Variants in USP3 observed in about 807,000 individuals in gnomAD.
USP3 encodes the protein ubiquitin specific peptidase 3, also known as ubiquitin carboxyl-terminal hydrolase 3.
A neutral mutation model predicts 72.3 loss-of-function variants in USP3; 20 were observed. That is an observed-to-expected ratio of 0.28 (90% CI 0.19 to 0.40). The LOEUF (loss-of-function observed/expected upper bound fraction) is 0.40, where lower values mean the gene tolerates loss of function less well. Among genes scored for constraint, USP3 ranks in the 10% least tolerant of loss-of-function variants. The probability of loss-of-function intolerance (pLI) is 1.00; values close to 1 mark genes in which losing one functional copy is unlikely to be tolerated. For synonymous variants in USP3, 222 were observed against 225.3 expected (o/e 0.99, Z 0.13); for missense variants, 479 against 633.9 (o/e 0.76, Z 2.62).
At chr15:63,589,085 C>T (rs922861880) in intron 14 of USP3, 74 bp downstream of exon 14, 6 of 1,521,354 alleles carry the variant, frequency 3.9e-6, no homozygotes, top group African/African-American at 2.8e-5. Flanking sequence ...TTTTGTACCA[C>T]TCTTGCTAGT....
In USP3 at chr15:63,588,934, T is replaced by C; in HGVS notation, c.1330-10T>C. ...TCATTGACCACTGCTCCTTCTTCCTTGTTCTGTAGCCTGAGAACAGTGGCC... is the reference window on the plus strand; with the variant it reads ...TCATTGACCACTGCTCCTTCTTCCTCGTTCTGTAGCCTGAGAACAGTGGCC... On this transcript the variant is annotated splice_polypyrimidine_tract_variant and intron_variant, in intron 13 of 14. Transcript: ENST00000380324. The surrounding 1 kb of genome is among the most constrained non-coding windows in gnomAD (Gnocchi z 4.6). 6.2e-7 allele frequency: 1 copy of C among 1,614,204 alleles called. No individual in the cohort carries two copies. The highest frequency in any genetic ancestry group is 8.5e-7 in the Non-Finnish European group (1 of 1,180,026).
chr15:63,562,090 C>T (rs947423265), intron 7 of USP3, among the ~76,000 whole-genome samples: 1 of 152,168 alleles, frequency 6.6e-6, no homozygotes, highest in African/African-American at 2.4e-5. Context: ...TCCACATAGT[C>T]CCCCATGGTG....
intron 1 of USP3, among the ~76,000 whole-genome samples, chr15:63,520,957 C>T (rs976748588): frequency 6.6e-6 from 1 of 152,068 alleles, no homozygotes; most frequent in African/African-American, 2.4e-5. Context: ...TAAAACTACA[C>T]AAAAAGCTGT....
At chr15:63,525,297 C>T (rs58568006) in intron 1 of USP3, among the ~76,000 whole-genome samples, 1,722 of 152,298 alleles carry the variant, frequency 0.011, 30 homozygotes, top group African/African-American at 0.04. Flanking sequence ...TGCCTGGTCT[C>T]CTCCCCAGTA....
Position 63,507,480 on chromosome 15 carries a change from G to T in USP3, c.91+2650G>T, listed in dbSNP as rs187995656. On this transcript the variant is annotated intron_variant, in intron 1 of 14. Coordinates refer to ENST00000380324, the MANE Select transcript of USP3 (RefSeq NM_006537.4). Reference sequence around the variant, plus strand: ...TTTTTGTGAAAACTTTGAGAAACTTGTATACACTGTTCTAGTAATAGGTGG... The same window carrying T: ...TTTTTGTGAAAACTTTGAGAAACTTTTATACACTGTTCTAGTAATAGGTGG... 7.0e-4 allele frequency among the ~76,000 whole-genome samples: 106 copies of T among 152,234 alleles called. 1 individual carries two copies. Among genetic ancestry groups the T allele is most frequent in the Admixed American group, 2.8e-3 (43 of 15,298 alleles).
chr15:63,537,988 AT>A (rs71753337), intron 3 of USP3, among the ~76,000 whole-genome samples: 1,472 of 140,760 alleles, frequency 0.01, 13 homozygotes, highest in African/African-American at 0.027. Flanking sequence ...TTCCAGTGCT[AT>A]TTTTTTTTTT....
chr15:63,562,771 A>G (rs1595751523), intron 7 of USP3, 124 bp from the exon 8 acceptor site: 1 of 577,978 alleles, frequency 1.7e-6, no homozygotes, highest in African/African-American at 1.9e-5. Flanking sequence ...GACTTTCTTC[A>G]GAAAAGACCA....
At position 63,591,678 on chromosome 15, in the gene USP3, C is replaced by T. The variant is rs1161516594; in HGVS notation, c.*852C>T. The T allele has an allele frequency of 1.3e-5, 2 of 152,194 alleles. No individual in the cohort carries two copies. Among genetic ancestry groups the T allele is most frequent in the African/African-American group, 2.4e-5 (1 of 41,428 alleles). 9.4% of individuals were successfully genotyped at this position (152,194 alleles called of 1,614,324 possible). On this transcript the variant is annotated 3_prime_UTR_variant, in exon 15 of 15. Transcript: ENST00000380324. ...TTAGTTGTACCACTGGAAGTCACGA[C>T]ATGTCCATTATAGACTTACTTACTG...
In USP3 at chr15:63,574,363, C is replaced by G. The variant is rs745305814; in HGVS notation, c.1056C>G (p.Arg352=). 1.2e-6 allele frequency: 2 copies of G among 1,606,112 alleles called. No homozygotes were observed. The highest frequency in any genetic ancestry group is 2.2e-5 in the South Asian group (2 of 89,098). ...LDIPSQFRSK[R]SKNQENGPVC... is the part of the protein sequence containing the mutation. ...TTCCAAGTCAGTTCAGAAGTAAGCG[C>G]TCTAAGAATCAAGAAAATGGACCAG... Residue 352 remains arginine (R), a synonymous_variant, in exon 11 of 15, where the codon CGC becomes CGG. Transcript: ENST00000380324. This position sits in a 1 kb window ranked among gnomAD's most constrained non-coding sequence, Gnocchi z 4.6.
In USP3 at chr15:63,553,373, A is replaced by G. The variant is rs1378040503; in HGVS notation, c.285-342A>G. ...AACTTAAAGCTTTAGGCTTAATGCT[A>G]CATGAAAAGACTCGGTGCTTTTTAT... On this transcript the variant is annotated intron_variant, in intron 3 of 14. Transcript: ENST00000380324. The surrounding 1 kb of genome is among the most constrained non-coding windows in gnomAD (Gnocchi z 4.2). 1 of 164,058 alleles carries G rather than the reference A, an allele frequency of 6.1e-6. No homozygotes were observed. Among genetic ancestry groups the G allele is most frequent in the Non-Finnish European group, 1.3e-5 (1 of 76,150 alleles). 10.2% of individuals were successfully genotyped at this position (164,058 alleles called of 1,614,324 possible).
At chr15:63,565,114 G>C (rs1473882685) in intron 8 of USP3, among the ~76,000 whole-genome samples, 1 of 152,164 alleles carries the variant, frequency 6.6e-6, no homozygotes, top group Non-Finnish European at 1.5e-5. Flanking sequence ...ACAGTGTCTA[G>C]AGAACTTGAT....
In USP3 at chr15:63,570,676, C is replaced by G; in HGVS notation, c.908+97C>G. Reference sequence around the variant, plus strand: ...TTTATAACGGAAGGTAGAGGGGTTTCTTGGACATTTGCTGGAACTTTTCGT... The same window carrying G: ...TTTATAACGGAAGGTAGAGGGGTTTGTTGGACATTTGCTGGAACTTTTCGT... On this transcript the variant is annotated intron_variant, in intron 9 of 14. Transcript: ENST00000380324. This position sits in a 1 kb window ranked among gnomAD's most constrained non-coding sequence, Gnocchi z 4.4. 6.6e-7 allele frequency: 1 copy of G among 1,506,488 alleles called. No individual in the cohort carries two copies. 93.3% of individuals were successfully genotyped at this position (1,506,488 alleles called of 1,614,324 possible). A position where few individuals can be genotyped will look rare whatever the true frequency, so the allele number is the denominator to read the frequency against.
Position 63,562,879 on chromosome 15 carries a change from C to T in USP3, c.648-16C>T. 1.3e-6 allele frequency: 2 copies of T among 1,582,010 alleles called. No homozygotes were observed. The highest frequency in any genetic ancestry group is 1.7e-6 in the Non-Finnish European group (2 of 1,159,252). ...CTCTCACTAATCTGAGGGCACTGTC[C>T]TTTCCTCTTTTGCAGGTCTTTGGTA... On this transcript the variant is annotated splice_polypyrimidine_tract_variant and intron_variant, in intron 7 of 14. Coordinates refer to ENST00000380324, the MANE Select transcript of USP3 (RefSeq NM_006537.4).
In USP3 at chr15:63,563,518, G is replaced by A. The variant is rs147888610; in HGVS notation, c.761+510G>A. Reference sequence around the variant, plus strand: ...CCGGTGTGGCCAGAGAGCTGCTGTGGTGCCCATGCTTTCTGTCTCACCTCG... The same window carrying A: ...CCGGTGTGGCCAGAGAGCTGCTGTGATGCCCATGCTTTCTGTCTCACCTCG... On this transcript the variant is annotated intron_variant, in intron 8 of 14. Transcript: ENST00000380324. Among the ~76,000 whole-genome samples the A allele has an allele frequency of 1.4e-4, 21 of 152,276 alleles. No homozygotes were observed. In the East Asian group the frequency reaches 3.9e-3, roughly 28 times the overall value.
At chr15:63,572,320 T>C (rs1184770036) in intron 9 of USP3, among the ~76,000 whole-genome samples, 1 of 152,142 alleles carries the variant, frequency 6.6e-6, no homozygotes, top group East Asian at 1.9e-4. Context: ...AAAGGCAAAC[T>C]TGTATGTGAA....
rs1242181993 is a variant in USP3, at chr15:63,529,571, A to G, written c.92-3076A>G. ...AAATTAAAGCCTTGTGAGATAGTTGATATTATAAGACTAGCTTTATAATAC... is the reference window on the plus strand; with the variant it reads ...AAATTAAAGCCTTGTGAGATAGTTGGTATTATAAGACTAGCTTTATAATAC... On this transcript the variant is annotated intron_variant, in intron 1 of 14. Transcript: ENST00000380324. The surrounding 1 kb of genome is among the most constrained non-coding windows in gnomAD (Gnocchi z 4.2). Among the ~76,000 whole-genome samples, 1 of 152,212 alleles carries G rather than the reference A, an allele frequency of 6.6e-6. No homozygotes were observed. Among genetic ancestry groups the G allele is most frequent in the Non-Finnish European group, 1.5e-5 (1 of 68,038 alleles).
chr15:63,574,102 T>G lies in USP3; in HGVS notation c.965T>G (p.Val322Gly). Residue 322 changes from valine (V) to glycine (G), a missense_variant, in exon 10 of 15, where the codon GTT becomes GGT. Physicochemically the swap from Val to Gly is moderately radical, Grantham distance 109 (BLOSUM62 -3). Coordinates refer to ENST00000380324, the MANE Select transcript of USP3 (RefSeq NM_006537.4). This position sits in a 1 kb window ranked among gnomAD's most constrained non-coding sequence, Gnocchi z 4.6. The stretch of plus-strand genomic sequence containing the variant: ...TTCGGAGGCATTCTCCAAAATGAGG[T>G]TAACTGCCTCATATGTGGGACAGAA... ...AIFGGILQNEVNCLICGTESR... is the reference protein window; with the variant it reads ...AIFGGILQNEGNCLICGTESR... 1 of 1,598,076 alleles carries G rather than the reference T, an allele frequency of 6.3e-7. No homozygotes were observed. The highest frequency in any genetic ancestry group is 2.2e-5 in the East Asian group (1 of 44,486).
chr15:63,537,197 G>A (rs1223412121), intron 3 of USP3, 41 bp downstream of exon 3: 1 of 1,592,716 alleles, frequency 6.3e-7, no homozygotes, highest in East Asian at 2.3e-5. Context: ...CTTACTGTGT[G>A]CAAGTGTGCT....
At chr15:63,558,217 T>A (rs769522786) in intron 6 of USP3, 29 bp downstream of exon 6, 11 of 1,612,934 alleles carry the variant, frequency 6.8e-6, no homozygotes, top group Non-Finnish European at 9.3e-6. Flanking sequence ...CTTAAGTGTC[T>A]GACATTAAAG....
Sources: gnomAD v4.1 joint callset for allele counts (sites outside exome capture counted in the v4.1 genomes callset) on GRCh38, gnomAD v4.1.1 for gene constraint, Gnocchi (gnomAD v3.1) non-coding constraint, MANE v1.5 for transcripts, NCBI Gene and HGNC (gene_info 2026-07-23, HGNC 2026-07-21) for gene names.